Variants in TMEM232 observed in about 807,000 individuals in gnomAD.
TMEM232 encodes transmembrane protein 232.
TMEM232 carries 80 observed loss-of-function variants against 78.8 expected under a neutral mutation model. That is an observed-to-expected ratio of 1.01 (90% CI 0.85 to 1.22). The LOEUF is 1.22. TMEM232 is among the 50% of genes most tolerant of loss of function. The pLI is 0.00. For missense variants in TMEM232, 881 were observed against 742.2 expected (o/e 1.19, Z -2.17); for synonymous variants, 297 against 254.3 (o/e 1.17, Z -1.60).
At position 110,713,065 on chromosome 5, in the gene TMEM232, T is replaced by C. The variant is rs953168910; in HGVS notation, c.-13+13562A>G. The stretch of plus-strand genomic sequence containing the variant: ...AATGTTTTTACACACAATGGAGTAC[T>C]ATTCAGCCATAAAAAGGAATAAGAT... On this transcript the variant is annotated intron_variant, in intron 1 of 13. Coordinates refer to ENST00000455884, the MANE Select transcript of TMEM232 (RefSeq NM_001039763.4). Among the ~76,000 whole-genome samples, 7 of 152,170 alleles carry C rather than the reference T, an allele frequency of 4.6e-5. No individual in the cohort carries two copies. The East Asian group carries it at 1.4e-3, about 29-fold the overall frequency.
rs77264998 is a variant in TMEM232, at chr5:110,400,736, A to G, written n.309-2882T>C. ...CAGTGTAGTGGCATTTATGGGAACA[A>G]TGATTTTCAAGAATAAACAGCTTCT... is the stretch of plus-strand genomic sequence containing the variant. On this transcript the variant is annotated intron_variant and non_coding_transcript_variant, in intron 2 of 8. Transcript: ENST00000507188. 3.5e-4 allele frequency among the ~76,000 whole-genome samples: 53 copies of G among 152,234 alleles called. No individual in the cohort carries two copies. In the East Asian group the frequency reaches 9.5e-3, roughly 27 times the overall value.
intron 12 of TMEM232, among the ~76,000 whole-genome samples, chr5:110,524,754 T>C (rs1770318024): frequency 6.6e-6 from 1 of 152,314 alleles, no homozygotes; most frequent in East Asian, 1.9e-4. Flanking sequence ...TATTGATATC[T>C]TCTATTATTT....
At chr5:110,518,094 C>T (rs1480536305) in intron 12 of TMEM232, among the ~76,000 whole-genome samples, 2 of 151,216 alleles carry the variant, frequency 1.3e-5, no homozygotes, top group African/African-American at 2.5e-5. Flanking sequence ...TCTCCATTTG[C>T]TATTTTTTCA....
In TMEM232 at chr5:110,562,481, G is replaced by T. The variant is rs59657761; in HGVS notation, c.1455+5966C>A. On this transcript the variant is annotated intron_variant, in intron 11 of 13. Coordinates refer to ENST00000455884, the MANE Select transcript of TMEM232 (RefSeq NM_001039763.4). ...TCAAGTACTATTTAATACTTGAAGA[G>T]AACAATAATACATTCCTGCTAATAC... Among the ~76,000 whole-genome samples the T allele has an allele frequency of 4.3e-3, 654 of 152,084 alleles. 19 individuals are homozygous for T. The East Asian group carries it at 0.05, about 12-fold the overall frequency.
In TMEM232 at chr5:110,401,142, A is replaced by G. The variant is rs142470030; in HGVS notation, n.309-3288T>C. Among the ~76,000 whole-genome samples, 174 of 152,162 alleles carry G rather than the reference A, an allele frequency of 1.1e-3. 1 individual carries two copies. The highest frequency in any genetic ancestry group is 3.9e-3 in the African/African-American group (163 of 41,528). ...TGTCCAAAGCCACGGTAGTTTGACT[A>G]ATGGATCTGAACAGTAATGTCAATC... On this transcript the variant is annotated intron_variant and non_coding_transcript_variant, in intron 2 of 8. Transcript: ENST00000507188.
chr5:110,487,031 C>A (rs1764539040), intron 12 of TMEM232, among the ~76,000 whole-genome samples: 1 of 151,706 alleles, frequency 6.6e-6, no homozygotes, highest in African/African-American at 2.4e-5. Context: ...TCTTTCACCT[C>A]CTTGGTTAGG....
chr5:110,532,708 C>G (rs1159161471), intron 11 of TMEM232, among the ~76,000 whole-genome samples: 1 of 152,094 alleles, frequency 6.6e-6, no homozygotes, highest in East Asian at 1.9e-4. Flanking sequence ...GCATCCTCCT[C>G]TTGTATCCCC....
At chr5:110,611,457 T>A (rs1395958475) in intron 8 of TMEM232, among the ~76,000 whole-genome samples, 1 of 152,086 alleles carries the variant, frequency 6.6e-6, no homozygotes, top group Admixed American at 6.6e-5. Context: ...GGATGGAGCC[T>A]CAGACAAGCA....
intron 1 of TMEM232, among the ~76,000 whole-genome samples, chr5:110,707,213 T>C (rs1796008470): frequency 6.6e-6 from 1 of 152,104 alleles, no homozygotes; most frequent in African/African-American, 2.4e-5. Flanking sequence ...TTACAGTACC[T>C]GATTTTAACT....
intron 10 of TMEM232, among the ~76,000 whole-genome samples, chr5:110,594,039 T>C (rs1026183998): frequency 1.3e-5 from 2 of 152,104 alleles, no homozygotes; most frequent in African/African-American, 4.8e-5. Context: ...GGAACAGCTC[T>C]GGTCTGCAGC....
At chr5:110,681,056 A>G (rs1792688517) in intron 1 of TMEM232, among the ~76,000 whole-genome samples, 1 of 152,164 alleles carries the variant, frequency 6.6e-6, no homozygotes, top group South Asian at 2.1e-4. Flanking sequence ...GGATTCTGCC[A>G]ATACCACTCT....
chr5:110,430,137 C>A (rs1243256663), intron 12 of TMEM232: 1 of 151,002 alleles, frequency 6.6e-6, no homozygotes, highest in African/African-American at 2.4e-5. Flanking sequence ...AAAAAAAAAA[C>A]TAATTAAATC....
chr5:110,588,660 G>GA (rs925781931), intron 10 of TMEM232, among the ~76,000 whole-genome samples: 4 of 152,084 alleles, frequency 2.6e-5, no homozygotes, highest in African/African-American at 9.7e-5. Context: ...CCCAGGTTTG[G>GA]AAAATATGGA....
intron 12 of TMEM232, among the ~76,000 whole-genome samples, chr5:110,445,415 A>C (rs1387413249): frequency 6.6e-6 from 1 of 152,082 alleles, no homozygotes; most frequent in Non-Finnish European, 1.5e-5. Flanking sequence ...AACCCCACCA[A>C]ATTTTCCTCA....
At chr5:110,496,764 A>G (rs1765688159) in intron 12 of TMEM232, among the ~76,000 whole-genome samples, 1 of 152,006 alleles carries the variant, frequency 6.6e-6, no homozygotes, top group Admixed American at 6.6e-5. Flanking sequence ...AGGTAGTTGG[A>G]TGAGGCCATC....
intron 11 of TMEM232, among the ~76,000 whole-genome samples, chr5:110,529,522 C>T (rs1350266453): frequency 6.6e-6 from 1 of 152,166 alleles, no homozygotes; most frequent in African/African-American, 2.4e-5. Flanking sequence ...GCTGGGATTA[C>T]AGGCGTGAGC....
chr5:110,479,906 A>C (rs965880787), intron 12 of TMEM232, among the ~76,000 whole-genome samples: 8 of 151,900 alleles, frequency 5.3e-5, no homozygotes, highest in African/African-American at 1.9e-4. Context: ...ACTGTTATTG[A>C]AATACAATAT....
At chr5:110,529,422 T>C (rs992122391) in intron 11 of TMEM232, among the ~76,000 whole-genome samples, 8 of 152,098 alleles carry the variant, frequency 5.3e-5, no homozygotes, top group African/African-American at 1.9e-4. Flanking sequence ...ATTTTTGTTA[T>C]TTTTAGTAGA....
intron 12 of TMEM232, among the ~76,000 whole-genome samples, chr5:110,506,651 G>C (rs1172751446): frequency 1.3e-5 from 2 of 152,194 alleles, no homozygotes; most frequent in Non-Finnish European, 2.9e-5. Flanking sequence ...ACAATTACAG[G>C]TGAAATATAA....
Sources: gnomAD v4.1 joint callset for allele counts (sites outside exome capture counted in the v4.1 genomes callset) on GRCh38, gnomAD v4.1.1 for gene constraint, MANE v1.5 for transcripts, NCBI Gene and HGNC (gene_info 2026-07-23, HGNC 2026-07-21) for gene names.